Variants in STPG2 observed in about 807,000 individuals in gnomAD.
STPG2 encodes sperm-tail PG-rich repeat-containing protein 2.
In STPG2, 56 loss-of-function variants were observed where a neutral mutation model predicts 54.2. That is an observed-to-expected ratio of 1.03 (90% CI 0.83 to 1.29). The LOEUF (loss-of-function observed/expected upper bound fraction) is 1.29. Among genes scored for constraint, STPG2 ranks in the 50% most tolerant of loss-of-function variants. STPG2 has a pLI of 0.00. For synonymous variants in STPG2, 200 were observed against 181.8 expected (o/e 1.10, Z -0.81); for missense variants, 596 against 544.9 (o/e 1.09, Z -0.93).
intron 5 of STPG2, among the ~76,000 whole-genome samples, chr4:98,054,437 T>G (rs541110417): frequency 2.2e-4 from 34 of 152,306 alleles, no homozygotes; most frequent in African/African-American, 6.5e-4. Flanking sequence ...ATTATAATTG[T>G]GAGCAAAAAT....
At chr4:97,973,384 G>T (rs948612815) in intron 6 of STPG2, among the ~76,000 whole-genome samples, 1 of 152,180 alleles carries the variant, frequency 6.6e-6, no homozygotes, top group African/African-American at 2.4e-5. Context: ...AAGCATTCAA[G>T]ATGTGACTTG....
intron 10 of STPG2, among the ~76,000 whole-genome samples, chr4:97,695,004 C>T (rs1723520508): frequency 6.6e-6 from 1 of 150,694 alleles, no homozygotes; most frequent in Admixed American, 6.6e-5. Context: ...CAATGTCACC[C>T]TAATAGCAAA....
intron 4 of STPG2, among the ~76,000 whole-genome samples, chr4:97,514,260 A>G (rs1328452762): frequency 6.6e-6 from 1 of 152,154 alleles, no homozygotes; most frequent in Non-Finnish European, 1.5e-5. Flanking sequence ...GAAGAGAGAG[A>G]GTAAGCAGCT....
intron 10 of STPG2, among the ~76,000 whole-genome samples, chr4:97,570,640 T>C (rs188255776): frequency 1.2e-3 from 179 of 152,176 alleles, no homozygotes; most frequent in Non-Finnish European, 1.4e-3. Context: ...TTTGGAGTCT[T>C]ATGGAAATGG....
intron 7 of STPG2, among the ~76,000 whole-genome samples, chr4:97,955,983 T>C (rs1235789035): frequency 6.6e-6 from 1 of 152,146 alleles, no homozygotes; most frequent in Non-Finnish European, 1.5e-5. Context: ...AAGGAAGTTT[T>C]TCAGACAGAA....
chr4:97,678,917 T>C (rs925432406), intron 10 of STPG2, among the ~76,000 whole-genome samples: 18 of 152,106 alleles, frequency 1.2e-4, no homozygotes, highest in African/African-American at 3.4e-4. Flanking sequence ...AGAATGATGA[T>C]TTCCAATTTC....
chr4:97,627,108 T>C (rs1343480877), intron 10 of STPG2, among the ~76,000 whole-genome samples: 1 of 152,126 alleles, frequency 6.6e-6, no homozygotes, highest in Non-Finnish European at 1.5e-5. Flanking sequence ...GATAACCTTG[T>C]TAGTCACAGT....
chr4:97,739,559 A>G (rs893567271), intron 9 of STPG2, among the ~76,000 whole-genome samples: 1 of 152,224 alleles, frequency 6.6e-6, no homozygotes, highest in African/African-American at 2.4e-5. Context: ...AGAAATACAA[A>G]CTACCATCAG....
At chr4:97,748,702 GC>G (rs1014117382) in intron 9 of STPG2, among the ~76,000 whole-genome samples, 36 of 151,576 alleles carry the variant, frequency 2.4e-4, no homozygotes, top group African/African-American at 8.7e-4. Flanking sequence ...AATGAGCATG[GC>G]TATATTCTAA....
intron 8 of STPG2, among the ~76,000 whole-genome samples, chr4:97,898,390 G>A (rs1214781214): frequency 2.0e-5 from 3 of 151,208 alleles, no homozygotes; most frequent in East Asian, 3.9e-4. Flanking sequence ...TGTTGGAAAT[G>A]AGGAAAATAA....
chr4:98,041,992 T>C (rs2149307728), intron 5 of STPG2, among the ~76,000 whole-genome samples: 1 of 152,054 alleles, frequency 6.6e-6, no homozygotes, highest in East Asian at 1.9e-4. Context: ...AGATTTTTTA[T>C]TACTGATTCA....
intron 5 of STPG2, among the ~76,000 whole-genome samples, chr4:98,052,901 T>C (rs770332553): frequency 3.3e-5 from 5 of 152,168 alleles, no homozygotes; most frequent in African/African-American, 7.2e-5. Context: ...TTCAAAGAGA[T>C]AGTAAATTCG....
chr4:97,468,705 T>C (rs953541961), intron 4 of STPG2, among the ~76,000 whole-genome samples: 8 of 152,048 alleles, frequency 5.3e-5, no homozygotes, highest in African/African-American at 9.7e-5. Flanking sequence ...ATAAACACTA[T>C]AGAACAGCAA....
At chr4:97,586,922 T>G (rs910541139) in intron 10 of STPG2, among the ~76,000 whole-genome samples, 1 of 151,932 alleles carries the variant, frequency 6.6e-6, no homozygotes, top group Non-Finnish European at 1.5e-5. Flanking sequence ...CTCAATAGAC[T>G]TTCCTTTTTC....
At chr4:97,853,600 C>T (rs1446941529) in intron 8 of STPG2, among the ~76,000 whole-genome samples, 2 of 152,108 alleles carry the variant, frequency 1.3e-5, no homozygotes, top group Non-Finnish European at 2.9e-5. Flanking sequence ...TATTTCTCAG[C>T]ATCACACATT....
chr4:97,984,118 C>G (rs1734759216), intron 5 of STPG2, among the ~76,000 whole-genome samples: 1 of 152,068 alleles, frequency 6.6e-6, no homozygotes, highest in South Asian at 2.1e-4. Context: ...TCCCAATAAA[C>G]CAACCTACTA....
chr4:98,106,453 A>C (rs1233637060), intron 4 of STPG2, among the ~76,000 whole-genome samples: 3 of 152,154 alleles, frequency 2.0e-5, no homozygotes, highest in Non-Finnish European at 4.4e-5. Context: ...TTTATATCAT[A>C]AAATAATCAG....
intron 10 of STPG2, among the ~76,000 whole-genome samples, chr4:97,619,885 G>A (rs1578429375): frequency 2.7e-5 from 4 of 149,502 alleles, no homozygotes; most frequent in East Asian, 2.0e-4. Context: ...GTGCAGTGGC[G>A]CAATCTCGGC....
chr4:97,706,639 C>A (rs1341548772), intron 10 of STPG2, among the ~76,000 whole-genome samples: 1 of 152,112 alleles, frequency 6.6e-6, no homozygotes, highest in Non-Finnish European at 1.5e-5. Flanking sequence ...GAAAACCCAA[C>A]TTGGGGCAGG....
Sources: allele counts gnomAD v4.1 joint callset (sites outside exome capture counted in the v4.1 genomes callset), GRCh38; gene constraint gnomAD v4.1.1; transcripts MANE v1.5; gene names NCBI Gene and HGNC (gene_info 2026-07-23, HGNC 2026-07-21).